FGF13: variants seen among roughly 807,000 people sequenced by gnomAD.
The protein encoded by FGF13 is fibroblast growth factor homologous factor 2.
Under a neutral mutation model 19.5 loss-of-function variants are expected in FGF13, and 2 were observed. That is an observed-to-expected ratio of 0.10 (90% CI 0.04 to 0.32). The LOEUF (loss-of-function observed/expected upper bound fraction) is 0.32, where lower values mean the gene tolerates loss of function less well. Ranked by LOEUF, FGF13 falls within the 10% of genes least tolerant of loss-of-function variation. The pLI, the probability that FGF13 is intolerant of heterozygous loss-of-function variation, is 1.00. For synonymous variants in FGF13, 72 were observed against 76.9 expected, an observed-to-expected ratio of 0.94 and a Z score of 0.33; for missense variants, 113 against 192.7, an observed-to-expected ratio of 0.59 and a Z score of 2.45.
chrX:139,067,230 G>A (rs1472146993), intron 1 of FGF13, among the ~76,000 whole-genome samples: 1 of 111,679 alleles, frequency 9.0e-6, no homozygotes, highest in Non-Finnish European at 1.9e-5. Context: ...CACAAGACAA[G>A]GATGCCCTCT....
chrX:139,048,567 T>G (rs2092295024), intron 1 of FGF13, among the ~76,000 whole-genome samples: 1 of 109,109 alleles, frequency 9.2e-6, no homozygotes, highest in Non-Finnish European at 1.9e-5. Flanking sequence ...GCTCTTGTTT[T>G]TTTTTTTTTT....
chrX:138,996,117 C>A (rs2092041404), intron 1 of FGF13, among the ~76,000 whole-genome samples: 1 of 111,931 alleles, frequency 8.9e-6, no homozygotes, highest in South Asian at 3.8e-4. Flanking sequence ...GAGATACCCA[C>A]AGAAGGCAGG....
intron 1 of FGF13, among the ~76,000 whole-genome samples, chrX:138,989,487 C>T (rs1017944134): frequency 2.7e-5 from 3 of 111,524 alleles, no homozygotes; most frequent in Admixed American, 9.6e-5. Flanking sequence ...TAGAAATTCC[C>T]GAGCTAAATA....
chrX:139,091,138 T>C (rs73583211), intron 1 of FGF13, among the ~76,000 whole-genome samples: 3 of 110,335 alleles, frequency 2.7e-5, no homozygotes, highest in Admixed American at 9.7e-5. Context: ...AGGAACAATT[T>C]GGGATCTAAG....
intron 3 of FGF13, among the ~76,000 whole-genome samples, chrX:138,839,633 A>G (rs1045821940): frequency 8.9e-6 from 1 of 112,081 alleles, no homozygotes; most frequent in African/African-American, 3.2e-5. Flanking sequence ...GAATGCATAC[A>G]TATGCAGCTA....
intron 1 of FGF13, among the ~76,000 whole-genome samples, chrX:138,963,355 C>T (rs761386357): frequency 8.9e-6 from 1 of 112,676 alleles, no homozygotes; most frequent in African/African-American, 3.2e-5. Context: ...TTACTGTTTG[C>T]TTTGCATTGA....
At chrX:138,898,623 AT>A (rs902496991) in intron 1 of FGF13, among the ~76,000 whole-genome samples, 6 of 111,480 alleles carry the variant, frequency 5.4e-5, no homozygotes, top group Non-Finnish European at 1.9e-5. Context: ...GCATTCATAG[AT>A]TTTTTTTCAT....
At chrX:138,639,267 A>G (rs183225943) in intron 3 of FGF13, among the ~76,000 whole-genome samples, 2 of 111,997 alleles carry the variant, frequency 1.8e-5, no homozygotes, top group African/African-American at 6.5e-5. Flanking sequence ...ATGCCAAGGA[A>G]CCAACCTACT....
intron 1 of FGF13, among the ~76,000 whole-genome samples, chrX:139,163,328 T>A (rs1381715665): frequency 9.1e-6 from 1 of 109,844 alleles, no homozygotes; most frequent in Non-Finnish European, 1.9e-5. Context: ...CACTCATAAG[T>A]GGGAGTTGAA....
chrX:139,160,524 G>C (rs1471251230), intron 1 of FGF13, among the ~76,000 whole-genome samples: 7 of 110,458 alleles, frequency 6.3e-5, no homozygotes, highest in African/African-American at 2.3e-4. Context: ...GACATGAAAA[G>C]ACCGTTAAAA....
upstream of FGF13, among the ~76,000 whole-genome samples, chrX:138,741,607 C>A (rs2090318524): frequency 9.0e-6 from 1 of 111,388 alleles, no homozygotes; most frequent in Non-Finnish European, 1.9e-5. Flanking sequence ...TTCTCCTCGT[C>A]ATCAGAGTGG....
intron 1 of FGF13, among the ~76,000 whole-genome samples, chrX:139,095,153 T>C (rs142354060): frequency 0.01 from 1,159 of 112,102 alleles, 16 homozygotes; most frequent in African/African-American, 0.034. Context: ...GATGTTGGTG[T>C]GCTCAGCCTT....
chrX:138,826,701 T>C (rs1188208511), intron 3 of FGF13, among the ~76,000 whole-genome samples: 1 of 112,423 alleles, frequency 8.9e-6, no homozygotes, highest in East Asian at 2.8e-4. Flanking sequence ...TATGAATCAA[T>C]GCTTATTTAA....
At chrX:139,095,521 T>G (rs1474621) in intron 1 of FGF13, among the ~76,000 whole-genome samples, 26,245 of 111,183 alleles carry the variant, frequency 0.24, 2,818 homozygotes, top group African/African-American at 0.42. Flanking sequence ...GGTAGTAGAA[T>G]AATAGTCTAT....
At position 138,939,430 on chromosome X, in the gene FGF13, A is replaced by G. The variant is rs1027396074; in HGVS notation, c.-112-74780T>C. Among the ~76,000 whole-genome samples the G allele has an allele frequency of 3.6e-5, 4 of 112,087 alleles. No individual in the cohort carries two copies. In the East Asian group the frequency reaches 1.1e-3, roughly 31 times the overall value. ...TTAGAGTTTATTTATTTTAACTTTT[A>G]TTTTAGGTTTAGGAGTGTACATCTG... On this transcript the variant is annotated intron_variant, in intron 1 of 2. Transcript: ENST00000421460.
intron 1 of FGF13, among the ~76,000 whole-genome samples, chrX:139,082,772 T>C (rs1369128850): frequency 4.5e-5 from 5 of 111,865 alleles, no homozygotes; most frequent in Admixed American, 9.5e-5. Context: ...TTTGTGGTAA[T>C]TTGTTATGGC....
intron 1 of FGF13, among the ~76,000 whole-genome samples, chrX:139,135,668 T>A (rs1364159849): frequency 9.8e-5 from 11 of 111,859 alleles, no homozygotes; most frequent in Non-Finnish European, 1.9e-4. Context: ...ACAACCTTAG[T>A]TTCCTGACTC....
At chrX:139,021,268 G>A (rs2092177183) in intron 1 of FGF13, among the ~76,000 whole-genome samples, 1 of 110,636 alleles carries the variant, frequency 9.0e-6, no homozygotes, top group Non-Finnish European at 1.9e-5. Flanking sequence ...CCTAAATCTT[G>A]TAACATTTCT....
intron 3 of FGF13, among the ~76,000 whole-genome samples, chrX:138,825,817 T>C (rs193090078): frequency 8.9e-6 from 1 of 112,209 alleles, no homozygotes; most frequent in East Asian, 2.8e-4. Flanking sequence ...AGTGGCAGTA[T>C]GACAAAAATG....
Sources: allele counts gnomAD v4.1 joint callset (sites outside exome capture counted in the v4.1 genomes callset), GRCh38; gene constraint gnomAD v4.1.1; transcripts MANE v1.5; gene names NCBI Gene and HGNC (gene_info 2026-07-23, HGNC 2026-07-21).